The following HDAC6 variants were observed in gnomAD, a reference collection of about 807,000 sequenced individuals.
The protein encoded by HDAC6 is histone deacetylase 6.
HDAC6 carries 5 observed loss-of-function variants against 88.9 expected under a neutral mutation model. The observed-to-expected ratio is 0.06, with a 90% CI of 0.03 to 0.12. The LOEUF is 0.12. Among genes scored for constraint, HDAC6 ranks in the 10% least tolerant of loss-of-function variants. The pLI is 1.00. For missense variants in HDAC6, 706 were observed against 1,014.4 expected (o/e 0.70, Z 4.13); for synonymous variants, 378 against 398.0 (o/e 0.95, Z 0.60).
chrX:48,803,094 T>C (rs1569501534), intron 3 of HDAC6, 34 bp from the exon 4 acceptor site: 1 of 1,199,241 alleles, frequency 8.3e-7, no homozygotes, highest in Non-Finnish European at 1.1e-6. Context: ...GGGCCTAAAA[T>C]GGATCTGTGT....
In HDAC6 at chrX:48,823,443, G is replaced by A. The variant is rs2063116732; in HGVS notation, c.3044G>A (p.Gly1015Asp). Reference protein sequence around the residue: ...DQTTSEEAPGGTELIQTPLAS... With the variant: ...DQTTSEEAPGDTELIQTPLAS... ...ACTACGTCAGAGGAGGCTCCAGGGG[G>A]CACCGAGCTGATCCAAACTCCTCTA... Residue 1015 changes from glycine (G) to aspartate (D), a missense_variant, in exon 25 of 29, where the codon GGC becomes GAC. Around this residue, in one of 9 missense-constraint regions of HDAC6, gnomAD observed 112 missense variants for 95.1 expected, o/e 1.18. Coordinates refer to ENST00000334136, the MANE Select transcript of HDAC6 (RefSeq NM_006044.4). The A allele has an allele frequency of 1.7e-6, 2 of 1,210,737 alleles. No individual in the cohort carries two copies. The highest frequency in any genetic ancestry group is 1.8e-5 in the South Asian group (1 of 56,749).
chrX:48,806,803 G>A, intron 8 of HDAC6, 97 bp downstream of exon 8: 1 of 481,000 alleles, frequency 2.1e-6, no homozygotes, highest in Non-Finnish European at 3.3e-6. Context: ...TGTGATTCAA[G>A]AATCCAAAGG....
At chrX:48,806,326 G>A in intron 6 of HDAC6, 42 bp from the exon 7 acceptor site, 2 of 894,051 alleles carry the variant, frequency 2.2e-6, no homozygotes, top group African/African-American at 1.9e-5. Context: ...CTCAGTTGGG[G>A]AAGAGACAGG....
At position 48,820,578 on chromosome X, in the gene HDAC6, T is replaced by C. The variant is rs961359786; in HGVS notation, c.2337+323T>C. The stretch of plus-strand genomic sequence containing the variant: ...GCACAAAGAGGTGTGATGACTAGCC[T>C]GAGATGGCACATTTACTGATGGCAG... On this transcript the variant is annotated intron_variant, in intron 23 of 28. Coordinates refer to ENST00000334136, the MANE Select transcript of HDAC6 (RefSeq NM_006044.4). 3.6e-5 allele frequency among the ~76,000 whole-genome samples: 4 copies of C among 111,706 alleles called. No individual in the cohort carries two copies. In the Admixed American group the frequency reaches 3.8e-4, roughly 11 times the overall value.
chrX:48,807,018 A>C, intron 8 of HDAC6: 1 of 160,687 alleles, frequency 6.2e-6, no homozygotes, highest in Non-Finnish European at 1.2e-5. Flanking sequence ...TGCATCTTAC[A>C]AACAGTGACA....
intron 4 of HDAC6, among the ~76,000 whole-genome samples, chrX:48,803,704 T>C (rs1353757002): frequency 1.3e-4 from 15 of 112,076 alleles, no homozygotes; most frequent in African/African-American, 4.2e-4. Context: ...GTTCAAAATA[T>C]ATTCACCATC....
intron 20 of HDAC6, 125 bp from the exon 21 acceptor site, chrX:48,817,916 T>C: frequency 1.6e-6 from 1 of 623,000 alleles, no homozygotes; most frequent in South Asian, 2.6e-5. Context: ...ACTTTTCTCC[T>C]TAACTGATAG....
Position 48,808,344 on chromosome X carries a change from C to A in HDAC6, c.806+18C>A. The A allele has an allele frequency of 8.6e-7, 1 of 1,163,110 alleles. No homozygotes were observed. On this transcript the variant is annotated intron_variant, in intron 10 of 28. Transcript: ENST00000334136. ...GACCCCAGGTATACCCCGACTCCCACCTAGGTGCTAGACTCCCAGCCACCT... is the reference window on the plus strand; with the variant it reads ...GACCCCAGGTATACCCCGACTCCCAACTAGGTGCTAGACTCCCAGCCACCT...
At chrX:48,807,811 C>T (rs782270044) in intron 8 of HDAC6, among the ~76,000 whole-genome samples, 167 of 112,321 alleles carry the variant, frequency 1.5e-3, no homozygotes, top group Non-Finnish European at 2.5e-3. Flanking sequence ...CGCACCCGGC[C>T]TTTATCATTT....
intron 14 of HDAC6, 52 bp from the exon 15 acceptor site, chrX:48,815,332 C>T: frequency 1.2e-6 from 1 of 863,838 alleles, no homozygotes; most frequent in East Asian, 3.4e-5. Flanking sequence ...ATTATTATTC[C>T]CTGGTCATGT....
At chrX:48,818,534 G>GA (rs2063028593) in intron 22 of HDAC6, 122 bp downstream of exon 22, 4 of 575,885 alleles carry the variant, frequency 6.9e-6, no homozygotes. Flanking sequence ...GACAGCGCAT[G>GA]GGTGTTTAAT....
rs781934879 is a variant in HDAC6, at chrX:48,812,451, C to T, written c.807-1989C>T. ...TTGTATTGGTGATTCAGTGAGTTGG[C>T]TCTTCAGAAGGGATTTTGTGTGCAT... On this transcript the variant is annotated intron_variant, in intron 10 of 28. Transcript: ENST00000334136. Among the ~76,000 whole-genome samples, 3 of 112,325 alleles carry T rather than the reference C, an allele frequency of 2.7e-5. No individual in the cohort carries two copies. In the South Asian group the frequency reaches 1.1e-3, roughly 41 times the overall value.
At chrX:48,817,032 G>A (rs983541710) in intron 19 of HDAC6, 163 of 250,494 alleles carry the variant, frequency 6.5e-4, no homozygotes, top group East Asian at 9.2e-4. Context: ...GGCAGATCAC[G>A]AGGTCAGGAG....
At position 48,817,322 on chromosome X, in the gene HDAC6, C is replaced by T. The variant is rs376536218; in HGVS notation, c.1792-4C>T. 1 of 1,194,581 alleles carries T rather than the reference C, an allele frequency of 8.4e-7. No individual in the cohort carries two copies. The highest frequency in any genetic ancestry group is 1.8e-5 in the African/African-American group (1 of 56,636). ...TCCGATCTTAGCACCCTGCTGCTTC[C>T]CAGGTTCTGAATGGTGCTGCTGTGG... On this transcript the variant is annotated splice_region_variant and splice_polypyrimidine_tract_variant and intron_variant, in intron 19 of 28. Coordinates refer to ENST00000334136, the MANE Select transcript of HDAC6 (RefSeq NM_006044.4).
At position 48,823,114 on chromosome X, in the gene HDAC6, C is replaced by T; in HGVS notation, c.2715C>T (p.Leu905=). ...QTNSETAVVA[L]TQDQPSEAAT... is the part of the protein sequence containing the mutation. ...ACTCAGAGACAGCTGTGGTGGCCCT[C>T]ACTCAGGACCAGCCCTCAGAGGCAG... The change falls in exon 25 of 29, where the codon CTC becomes CTT. Residue 905 remains leucine (L), a synonymous_variant. Transcript: ENST00000334136. The T allele has an allele frequency of 8.3e-7, 1 of 1,209,964 alleles. No individual in the cohort carries two copies. Among genetic ancestry groups the T allele is most frequent in the South Asian group, 1.8e-5 (1 of 56,566 alleles).
At chrX:48,824,340 C>A (rs1557031685) in intron 28 of HDAC6, 46 bp downstream of exon 28, 11 of 1,184,704 alleles carry the variant, frequency 9.3e-6, no homozygotes, top group Non-Finnish European at 1.1e-5. Context: ...TCACCCCCCA[C>A]ACACACACCC....
In HDAC6 at chrX:48,802,652, C is replaced by T; in HGVS notation, c.-30-11C>T. Reference sequence around the variant, plus strand: ...CCCCTCACATACCCACGCTCCTCCCCCCACCCCCAGAACCGCGGCAGGGGC... The same window carrying T: ...CCCCTCACATACCCACGCTCCTCCCTCCACCCCCAGAACCGCGGCAGGGGC... On this transcript the variant is annotated splice_polypyrimidine_tract_variant and intron_variant, in intron 1 of 28. Coordinates refer to ENST00000334136, the MANE Select transcript of HDAC6 (RefSeq NM_006044.4). The T allele has an allele frequency of 1.7e-6, 2 of 1,179,623 alleles. No homozygotes were observed. Among genetic ancestry groups the T allele is most frequent in the African/African-American group, 1.8e-5 (1 of 56,734 alleles).
rs1557023838 is a variant in HDAC6 at position 48,805,434 on chromosome X, C to T, written c.312-4C>T. 1 of 1,201,383 alleles carries T rather than the reference C, an allele frequency of 8.3e-7. No individual in the cohort carries two copies. Among genetic ancestry groups the T allele is most frequent in the Admixed American group, 2.2e-5 (1 of 45,556 alleles). On this transcript the variant is annotated splice_polypyrimidine_tract_variant and splice_region_variant and intron_variant, in intron 4 of 28. Coordinates refer to ENST00000334136, the MANE Select transcript of HDAC6 (RefSeq NM_006044.4). Reference sequence around the variant, plus strand: ...CATCTGTGACTGTGACTCCATCTCCCCAGCTTCCCGGAAGGCCCTGAGCGG... The same window carrying T: ...CATCTGTGACTGTGACTCCATCTCCTCAGCTTCCCGGAAGGCCCTGAGCGG...
chrX:48,819,700 C>T (rs2063048866), intron 22 of HDAC6: 1 of 253,276 alleles, frequency 3.9e-6, no homozygotes, highest in Non-Finnish European at 7.3e-6. Context: ...CCCGCCACCA[C>T]GTCTGGCTAA....
Sources: gnomAD v4.1 joint callset for allele counts (sites outside exome capture counted in the v4.1 genomes callset) on GRCh38, gnomAD v4.1.1 for gene constraint, gnomAD v4.1.1 regional missense constraint, MANE v1.5 for transcripts, NCBI Gene and HGNC (gene_info 2026-07-23, HGNC 2026-07-21) for gene names.